The following MKLN1 variants were observed in gnomAD, a reference collection of about 807,000 sequenced individuals.
MKLN1 encodes muskelin.
Under a neutral mutation model 99.0 loss-of-function variants are expected in MKLN1, and 18 were observed. That is an observed-to-expected ratio of 0.18 (90% CI 0.13 to 0.27). The LOEUF is 0.27. MKLN1 is among the 10% of genes least tolerant of loss of function. MKLN1 has a pLI of 1.00. For synonymous variants in MKLN1, 288 were observed against 293.2 expected (o/e 0.98, Z 0.18); for missense variants, 621 against 875.9 (o/e 0.71, Z 3.67).
At chr7:131,275,110 GA>G (rs898014546) in intron 3 of MKLN1, among the ~76,000 whole-genome samples, 1 of 152,118 alleles carries the variant, frequency 6.6e-6, no homozygotes, top group Non-Finnish European at 1.5e-5. Context: ...ATAAACAACA[GA>G]AATTTATTTC....
intron 2 of MKLN1, among the ~76,000 whole-genome samples, chr7:131,146,629 C>A (rs1288681515): frequency 2.0e-5 from 3 of 152,080 alleles, no homozygotes; most frequent in Non-Finnish European, 4.4e-5. Context: ...TGAACAAATG[C>A]AACAAATACA....
intron 2 of MKLN1, among the ~76,000 whole-genome samples, chr7:131,385,426 G>C (rs907461776): frequency 6.6e-6 from 1 of 151,216 alleles, no homozygotes; most frequent in Non-Finnish European, 1.5e-5. Context: ...TTAACTTTTT[G>C]AGGCACTGCC....
At chr7:131,175,898 C>CA (rs35669557) in intron 2 of MKLN1, among the ~76,000 whole-genome samples, 35,810 of 143,670 alleles carry the variant, frequency 0.25, 4,437 homozygotes, top group African/African-American at 0.31. Context: ...AGACTCCACT[C>CA]AAAAAAAAAC....
At chr7:131,156,591 G>A (rs1218226679) in intron 2 of MKLN1, among the ~76,000 whole-genome samples, 1 of 151,906 alleles carries the variant, frequency 6.6e-6, no homozygotes, top group Non-Finnish European at 1.5e-5. Context: ...CTAACGCAAA[G>A]CCCATTTTAT....
At chr7:131,256,375 T>C (rs1371635726) in intron 3 of MKLN1, among the ~76,000 whole-genome samples, 1 of 152,186 alleles carries the variant, frequency 6.6e-6, no homozygotes, top group Non-Finnish European at 1.5e-5. Context: ...CATATCCACA[T>C]AGAAGAACAA....
chr7:131,307,970 A>C (rs890032929), intron 3 of MKLN1, among the ~76,000 whole-genome samples: 3 of 152,160 alleles, frequency 2.0e-5, no homozygotes, highest in Non-Finnish European at 2.9e-5. Flanking sequence ...ATCTTTTCTC[A>C]AGTTGTAATC....
intron 3 of MKLN1, among the ~76,000 whole-genome samples, chr7:131,291,925 T>C (rs1012273781): frequency 2.1e-4 from 32 of 152,008 alleles, no homozygotes; most frequent in Non-Finnish European, 4.3e-4. Context: ...GGCCACATAG[T>C]GAGACCCTGC....
At chr7:131,132,407 G>T (rs1795564698) in intron 1 of MKLN1, among the ~76,000 whole-genome samples, 1 of 152,184 alleles carries the variant, frequency 6.6e-6, no homozygotes, top group Non-Finnish European at 1.5e-5. Context: ...ATCCAGAGGA[G>T]AGCAGCCAAC....
At position 131,229,536 on chromosome 7, in the gene MKLN1, A is replaced by ATGTG. The variant is rs3077547; in HGVS notation, c.-179+26572_-179+26575dup. On this transcript the variant is annotated intron_variant, in intron 3 of 7. Transcript: ENST00000416992. ...AGATGGTCAATGTCTCTTTTCAGAC[A>ATGTG]TGTGTGTGTGTGTTGTTGTTGTTGT... is the stretch of plus-strand genomic sequence containing the variant. Among the ~76,000 whole-genome samples, 12 of 150,990 alleles carry ATGTG rather than the reference A, an allele frequency of 7.9e-5. No individual in the cohort carries two copies. In the South Asian group the frequency reaches 1.9e-3, roughly 24 times the overall value.
intron 5 of MKLN1, 122 bp from the exon 6 acceptor site, chr7:131,399,119 T>C (rs1180339558): frequency 2.5e-6 from 2 of 810,692 alleles, no homozygotes; most frequent in East Asian, 2.6e-5. Context: ...GTTAGTAAAC[T>C]GCTTGGCACA....
chr7:131,267,273 C>T (rs943656898), intron 3 of MKLN1, among the ~76,000 whole-genome samples: 1 of 151,878 alleles, frequency 6.6e-6, no homozygotes, highest in Non-Finnish European at 1.5e-5. Flanking sequence ...ATGGAGGTTG[C>T]GTGAGCCAAG....
At chr7:131,332,132 T>G (rs1799094064) in intron 1 of MKLN1, among the ~76,000 whole-genome samples, 1 of 151,900 alleles carries the variant, frequency 6.6e-6, no homozygotes, top group African/African-American at 2.4e-5. Flanking sequence ...ATTTTAAAAT[T>G]TCACATTTAA....
intron 1 of MKLN1, among the ~76,000 whole-genome samples, chr7:131,368,734 G>C (rs1465766851): frequency 6.6e-6 from 1 of 152,146 alleles, no homozygotes; most frequent in East Asian, 1.9e-4. Flanking sequence ...CGGGGACACA[G>C]AGTCAAACCA....
intron 2 of MKLN1, among the ~76,000 whole-genome samples, chr7:131,144,475 G>A (rs1473375681): frequency 2.4e-5 from 3 of 127,396 alleles, no homozygotes; most frequent in Admixed American, 8.0e-5. Context: ...GAGCAGGACT[G>A]TGTCTCAAAA....
chr7:131,282,945 T>C (rs1798073525), intron 3 of MKLN1, among the ~76,000 whole-genome samples: 1 of 152,206 alleles, frequency 6.6e-6, no homozygotes, highest in South Asian at 2.1e-4. Flanking sequence ...ATCCTCATCT[T>C]CATTCCACTG....
chr7:131,235,261 T>C (rs1278079320), intron 3 of MKLN1, among the ~76,000 whole-genome samples: 1 of 151,698 alleles, frequency 6.6e-6, no homozygotes. Flanking sequence ...TGTGTGTGGG[T>C]GAGTGAGCCT....
intron 2 of MKLN1, among the ~76,000 whole-genome samples, chr7:131,148,726 A>G (rs551026708): frequency 6.6e-6 from 1 of 152,288 alleles, no homozygotes; most frequent in African/African-American, 2.4e-5. Flanking sequence ...GTGAGCCACG[A>G]TTGTGCAACT....
chr7:131,278,133 C>G (rs1323044368), intron 3 of MKLN1, among the ~76,000 whole-genome samples: 1 of 152,100 alleles, frequency 6.6e-6, no homozygotes, highest in South Asian at 2.1e-4. Context: ...ACCTCTGCCT[C>G]CTGGACTCAA....
At chr7:131,394,562 C>T (rs1794301277) in intron 4 of MKLN1, among the ~76,000 whole-genome samples, 1 of 152,038 alleles carries the variant, frequency 6.6e-6, no homozygotes, top group Non-Finnish European at 1.5e-5. Context: ...CCTTAACACA[C>T]TGCGCACCTC....
Sources: gnomAD v4.1 joint callset for allele counts (sites outside exome capture counted in the v4.1 genomes callset) on GRCh38, gnomAD v4.1.1 for gene constraint, MANE v1.5 for transcripts, NCBI Gene and HGNC (gene_info 2026-07-23, HGNC 2026-07-21) for gene names.